Variants in BANK1 observed in about 807,000 individuals in gnomAD.
BANK1 encodes B-cell scaffold protein with ankyrin repeats.
BANK1 carries 95 observed loss-of-function variants against 94.5 expected under a neutral mutation model. The ratio of observed to expected loss-of-function variants is 1.00; its 90% CI spans 0.85 to 1.19. BANK1 has a LOEUF of 1.19. Among genes scored for constraint, BANK1 ranks in the 50% most tolerant of loss-of-function variants. The pLI is 0.00. For synonymous variants in BANK1, 334 were observed against 308.4 expected (o/e 1.08, Z -0.87); for missense variants, 987 against 932.2 (o/e 1.06, Z -0.77).
chr4:101,893,768 C>T (rs561726168), intron 5 of BANK1, among the ~76,000 whole-genome samples: 1 of 151,924 alleles, frequency 6.6e-6, no homozygotes, highest in East Asian at 1.9e-4. Context: ...ATGCTAAAAC[C>T]TAAATAAGTT....
chr4:101,901,658 A>G (rs1480348450), intron 6 of BANK1, among the ~76,000 whole-genome samples: 2 of 152,224 alleles, frequency 1.3e-5, no homozygotes, highest in Non-Finnish European at 2.9e-5. Flanking sequence ...CAAAAACTCA[A>G]AAAGTGGGAG....
At chr4:101,945,630 A>G (rs1393192379) in intron 7 of BANK1, among the ~76,000 whole-genome samples, 1 of 151,974 alleles carries the variant, frequency 6.6e-6, no homozygotes, top group East Asian at 1.9e-4. Flanking sequence ...TGTGGGCTAC[A>G]TGTTCCTACT....
At chr4:101,843,066 T>C (rs1400867612) in intron 2 of BANK1, among the ~76,000 whole-genome samples, 3 of 152,242 alleles carry the variant, frequency 2.0e-5, no homozygotes, top group African/African-American at 7.2e-5. Flanking sequence ...AATGATTTTC[T>C]GAATTTTCTG....
chr4:101,896,077 A>G (rs1257143000), intron 6 of BANK1, among the ~76,000 whole-genome samples: 1 of 151,954 alleles, frequency 6.6e-6, no homozygotes, highest in Non-Finnish European at 1.5e-5. Flanking sequence ...ATTTTCTACA[A>G]CTGTGTATTA....
intron 7 of BANK1, among the ~76,000 whole-genome samples, chr4:101,987,888 T>C (rs1560669265): frequency 6.6e-6 from 1 of 152,182 alleles, no homozygotes. Context: ...GTAGCAGTCA[T>C]GTGCGTTGCC....
At chr4:101,959,562 G>A (rs991305607) in intron 7 of BANK1, among the ~76,000 whole-genome samples, 8 of 152,178 alleles carry the variant, frequency 5.3e-5, no homozygotes, top group Non-Finnish European at 7.4e-5. Context: ...AAAGTATAAC[G>A]AATAGTGGCA....
intron 10 of BANK1, among the ~76,000 whole-genome samples, chr4:102,036,440 C>T (rs975132852): frequency 3.9e-5 from 6 of 152,144 alleles, no homozygotes; most frequent in African/African-American, 9.7e-5. Flanking sequence ...TAGTAAAATA[C>T]GGTCAAGTGG....
chr4:101,936,987 G>GATAACT (rs1411451243), intron 7 of BANK1, among the ~76,000 whole-genome samples: 1 of 151,566 alleles, frequency 6.6e-6, no homozygotes, highest in African/African-American at 2.4e-5. Flanking sequence ...ATTTTGAAGA[G>GATAACT]ATAACTGCAC....
intron 5 of BANK1, among the ~76,000 whole-genome samples, chr4:101,877,417 C>T (rs952326471): frequency 6.6e-6 from 1 of 152,076 alleles, no homozygotes; most frequent in African/African-American, 2.4e-5. Flanking sequence ...GTAAACTACT[C>T]TTATTTCAAT....
In BANK1 at chr4:102,025,429, T is replaced by C; in HGVS notation, c.1514T>C (p.Met505Thr). Residue 505 changes from methionine to threonine, a missense_variant, in exon 9 of 17, where the codon ATG becomes ACG. Met to Thr is a moderately conservative substitution (Grantham distance 81, BLOSUM62 -1). Transcript: ENST00000322953. ...DPENNSQEPL[M>T]SSRPPLPPPR... ...GAAAATAATTCACAAGAGCCACTCATGAGCAGCAGACCTCCTCTCCCCCCG... is the reference window on the plus strand; with the variant it reads ...GAAAATAATTCACAAGAGCCACTCACGAGCAGCAGACCTCCTCTCCCCCCG... 2 of 1,614,140 alleles carry C rather than the reference T, an allele frequency of 1.2e-6. No homozygotes were observed. Among genetic ancestry groups the C allele is most frequent in the Non-Finnish European group, 8.5e-7 (1 of 1,180,024 alleles).
At chr4:101,994,671 C>T (rs1406021323) in intron 7 of BANK1, among the ~76,000 whole-genome samples, 1 of 152,106 alleles carries the variant, frequency 6.6e-6, no homozygotes, top group Admixed American at 6.6e-5. Flanking sequence ...TGAGGAAAAA[C>T]ACTCAGCTCA....
At position 101,853,350 on chromosome 4, in the gene BANK1, C is replaced by CT. The variant is rs1232443018; in HGVS notation, c.470-1677dup. 3.3e-5 allele frequency among the ~76,000 whole-genome samples: 5 copies of CT among 152,136 alleles called. No homozygotes were observed. The East Asian group carries it at 5.8e-4, about 18-fold the overall frequency. The stretch of plus-strand genomic sequence containing the variant: ...TACCTATATGGAGCTGGTGACTTCT[C>CT]TTTTTTTTGGATACAGTGAGACCAA... On this transcript the variant is annotated intron_variant, in intron 2 of 16. Coordinates refer to ENST00000322953, the MANE Select transcript of BANK1 (RefSeq NM_017935.5).
intron 11 of BANK1, among the ~76,000 whole-genome samples, chr4:102,053,767 A>T (rs139154512): frequency 8.5e-5 from 13 of 152,070 alleles, no homozygotes; most frequent in Non-Finnish European, 1.9e-4. Flanking sequence ...AAAGAAAAAT[A>T]CGTAATGTAA....
At chr4:102,013,457 A>G (rs991957898) in intron 7 of BANK1, among the ~76,000 whole-genome samples, 4 of 152,084 alleles carry the variant, frequency 2.6e-5, no homozygotes, top group African/African-American at 7.2e-5. Context: ...AACCGCTTGT[A>G]GAATCATCTG....
chr4:101,848,659 T>A (rs1052480024), intron 2 of BANK1, among the ~76,000 whole-genome samples: 1 of 152,256 alleles, frequency 6.6e-6, no homozygotes, highest in African/African-American at 2.4e-5. Context: ...GTAATATTAT[T>A]TTGTTAATTG....
At chr4:101,831,499 G>C (rs1036629141) in intron 2 of BANK1, among the ~76,000 whole-genome samples, 1 of 152,140 alleles carries the variant, frequency 6.6e-6, no homozygotes, top group Non-Finnish European at 1.5e-5. Context: ...TTTTGAGACA[G>C]AGTCTCGCTC....
At chr4:102,044,491 T>C (rs567857789) in intron 11 of BANK1, among the ~76,000 whole-genome samples, 2,166 of 148,814 alleles carry the variant, frequency 0.015, 52 homozygotes, top group African/African-American at 0.05. Context: ...GCAATAAACA[T>C]ACGTGTGCAT....
At chr4:101,892,679 G>A (rs1399821076) in intron 5 of BANK1, among the ~76,000 whole-genome samples, 1 of 151,696 alleles carries the variant, frequency 6.6e-6, no homozygotes, top group African/African-American at 2.4e-5. Context: ...TTTTTGATGA[G>A]CAAACTTTAT....
chr4:101,983,991 T>C (rs1351912653), intron 7 of BANK1, among the ~76,000 whole-genome samples: 1 of 152,044 alleles, frequency 6.6e-6, no homozygotes, highest in Non-Finnish European at 1.5e-5. Flanking sequence ...TCTGACTGTA[T>C]TAAATCACAA....
Sources: allele counts gnomAD v4.1 joint callset (sites outside exome capture counted in the v4.1 genomes callset), GRCh38; gene constraint gnomAD v4.1.1; transcripts MANE v1.5; gene names NCBI Gene and HGNC (gene_info 2026-07-23, HGNC 2026-07-21).